ABCB5: variants seen among roughly 807,000 people sequenced by gnomAD.
ABCB5 encodes ATP binding cassette subfamily B member 5.
ABCB5 carries 155 observed loss-of-function variants against 144.2 expected under a neutral mutation model. The observed-to-expected ratio is 1.08, with a 90% CI of 0.94 to 1.23. The LOEUF is 1.23. Among genes scored for constraint, ABCB5 ranks in the 50% most tolerant of loss-of-function variants. The pLI is 0.00. For synonymous variants in ABCB5, 610 were observed against 528.6 expected (o/e 1.15, Z -2.11); for missense variants, 1,830 against 1,520.8 (o/e 1.20, Z -3.38).
At chr7:20,669,741 A>G (rs1785401572) in intron 14 of ABCB5, among the ~76,000 whole-genome samples, 2 of 86,380 alleles carry the variant, frequency 2.3e-5, no homozygotes, top group Non-Finnish European at 4.7e-5. Context: ...AAAAAAAAAA[A>G]AAGAAAATAA....
intron 20 of ABCB5, among the ~76,000 whole-genome samples, chr7:20,714,348 C>CAAAAA (rs374402106): frequency 2.7e-5 from 4 of 146,872 alleles, no homozygotes; most frequent in African/African-American, 1.0e-4. Context: ...TTCTTAATTT[C>CAAAAA]AAAAAAAAAA....
At chr7:20,742,400 G>C (rs934611151) in intron 24 of ABCB5, among the ~76,000 whole-genome samples, 3 of 149,154 alleles carry the variant, frequency 2.0e-5, no homozygotes, top group Non-Finnish European at 4.5e-5. Flanking sequence ...AATAAAATAA[G>C]AAAGATAAAT....
intron 20 of ABCB5, among the ~76,000 whole-genome samples, chr7:20,717,496 G>A (rs926454958): frequency 6.8e-6 from 1 of 146,400 alleles, no homozygotes; most frequent in Admixed American, 7.0e-5. Context: ...AGGCTGGACT[G>A]CAGTGGCGTT....
intron 16 of ABCB5, among the ~76,000 whole-genome samples, chr7:20,691,573 T>G (rs1786230461): frequency 6.6e-6 from 1 of 151,214 alleles, no homozygotes; most frequent in African/African-American, 2.4e-5. Flanking sequence ...AGAAAATCTT[T>G]AAATTCATTT....
chr7:20,635,259 T>C (rs959273926), intron 5 of ABCB5, among the ~76,000 whole-genome samples: 3 of 152,130 alleles, frequency 2.0e-5, no homozygotes, highest in African/African-American at 4.8e-5. Flanking sequence ...TTCCTTGATC[T>C]ATGTGTCTAT....
chr7:20,628,605 G>C, intron 3 of ABCB5, 83 bp from the exon 4 acceptor site: 1 of 1,429,562 alleles, frequency 7.0e-7, no homozygotes, highest in Admixed American at 2.1e-5. Flanking sequence ...GGCAAAGGCT[G>C]TAGGCTGTTG....
At chr7:20,716,980 T>A (rs1455337169) in intron 20 of ABCB5, among the ~76,000 whole-genome samples, 2 of 152,054 alleles carry the variant, frequency 1.3e-5, no homozygotes, top group African/African-American at 4.8e-5. Context: ...GCCAAACACC[T>A]ACCGACAAAG....
chr7:20,712,898 G>A (rs1201133046), intron 20 of ABCB5, among the ~76,000 whole-genome samples: 3 of 149,338 alleles, frequency 2.0e-5, no homozygotes, highest in African/African-American at 7.4e-5. Flanking sequence ...CTTATTTTTT[G>A]TGTGGTGAGA....
intron 20 of ABCB5, among the ~76,000 whole-genome samples, chr7:20,712,777 A>C (rs1473585568): frequency 1.3e-5 from 2 of 149,466 alleles, no homozygotes; most frequent in Non-Finnish European, 3.0e-5. Flanking sequence ...TAGCTTTTTA[A>C]ATTGATAAGT....
At chr7:20,715,856 A>T (rs1026817269) in intron 20 of ABCB5, among the ~76,000 whole-genome samples, 3 of 151,762 alleles carry the variant, frequency 2.0e-5, no homozygotes, top group African/African-American at 7.3e-5. Context: ...ATTAGCTGGG[A>T]CTACAGGTGC....
At chr7:20,668,370 C>T (rs1410782456) in intron 14 of ABCB5, among the ~76,000 whole-genome samples, 38 of 147,178 alleles carry the variant, frequency 2.6e-4, no homozygotes, top group South Asian at 4.5e-4. Context: ...ACCTCTGCCC[C>T]GCCGCCCTGT....
intron 14 of ABCB5, among the ~76,000 whole-genome samples, chr7:20,660,809 G>C (rs1385234553): frequency 1.3e-5 from 2 of 152,084 alleles, no homozygotes; most frequent in African/African-American, 4.8e-5. Flanking sequence ...CCTCCTCCCT[G>C]GTGATAGAAT....
Position 20,618,680 on chromosome 7 carries a change from C to T in ABCB5, c.-22+2843C>T, listed in dbSNP as rs540592407. Among the ~76,000 whole-genome samples the T allele has an allele frequency of 7.3e-5, 11 of 151,108 alleles. No individual in the cohort carries two copies. The South Asian group carries it at 2.3e-3, about 32-fold the overall frequency. ...ACATACAACATTTGGTTTTCTGTTT[C>T]CATGTTAATTCACTTAAGATAATAG... On this transcript the variant is annotated intron_variant, in intron 1 of 27. Coordinates refer to ENST00000404938, the MANE Select transcript of ABCB5 (RefSeq NM_001163941.2).
At chr7:20,642,594 C>T (rs1784317821) in intron 5 of ABCB5, among the ~76,000 whole-genome samples, 1 of 152,092 alleles carries the variant, frequency 6.6e-6, no homozygotes. Flanking sequence ...TTGCTCATGG[C>T]TGTGTCTCTA....
intron 23 of ABCB5, among the ~76,000 whole-genome samples, chr7:20,730,597 T>C (rs1384015001): frequency 6.6e-6 from 1 of 152,230 alleles, no homozygotes; most frequent in Non-Finnish European, 1.5e-5. Flanking sequence ...CTATTGCCCA[T>C]GTGAATTTAT....
At chr7:20,744,219 C>T (rs566554547) in intron 25 of ABCB5, among the ~76,000 whole-genome samples, 2 of 152,154 alleles carry the variant, frequency 1.3e-5, no homozygotes, top group Non-Finnish European at 2.9e-5. Context: ...AGGGGTGTGC[C>T]ACCATGTCCA....
chr7:20,647,860 AGAAAG>A, intron 10 of ABCB5, 103 bp from the exon 11 acceptor site: 1 of 1,090,098 alleles, frequency 9.2e-7, no homozygotes, highest in Non-Finnish European at 1.3e-6. Flanking sequence ...CTTCTAAAGC[AGAAAG>A]GAAACTGTCA....
chr7:20,645,083 GGTGAAGGTCAGAGTTATCCA>G (rs1362067045), intron 7 of ABCB5, among the ~76,000 whole-genome samples: 2 of 152,168 alleles, frequency 1.3e-5, no homozygotes, highest in Non-Finnish European at 2.9e-5. Context: ...AGAGGAAGCA[GGTGAAGGTCAGAGTTATCCA>G]GTGAAGGTCA....
chr7:20,629,145 C>CATGT (rs1554278477), intron 4 of ABCB5, among the ~76,000 whole-genome samples: 33 of 135,162 alleles, frequency 2.4e-4, no homozygotes, highest in African/African-American at 6.7e-4. Flanking sequence ...AGAGAGACTG[C>CATGT]GTGTGTGTGT....
Sources: gnomAD v4.1 joint callset for allele counts (sites outside exome capture counted in the v4.1 genomes callset) on GRCh38, gnomAD v4.1.1 for gene constraint, MANE v1.5 for transcripts, NCBI Gene and HGNC (gene_info 2026-07-23, HGNC 2026-07-21) for gene names.